NOL10: variants seen among roughly 807,000 people sequenced by gnomAD.
NOL10 encodes the protein nucleolar protein 10, also known as H_NH0074G24.1.
NOL10 carries 58 observed loss-of-function variants against 103.5 expected under a neutral mutation model. The observed-to-expected ratio is 0.56, with a 90% confidence interval of 0.45 to 0.70. NOL10 has a LOEUF of 0.70. NOL10 is among the 30% of genes least tolerant of loss of function. NOL10 has a pLI of 0.00. For missense variants in NOL10, 763 were observed against 807.3 expected, an observed-to-expected ratio of 0.95 and a Z score of 0.67; for synonymous variants, 287 against 282.5, an observed-to-expected ratio of 1.02 and a Z score of -0.16.
Position 10,589,229 on chromosome 2 carries a change from T to G in NOL10, c.1658A>C (p.Asp553Ala). 1 of 1,613,986 alleles carries G rather than the reference T, an allele frequency of 6.2e-7. No individual in the cohort carries two copies. The highest frequency in any genetic ancestry group is 8.5e-7 in the Non-Finnish European group (1 of 1,179,896). Residue 553 changes from aspartate to alanine, a missense_variant, in exon 19 of 21, where the codon GAT (aspartate) becomes GCT (alanine). Asp to Ala is a moderately radical substitution (Grantham distance 126). Coordinates refer to ENST00000381685, the MANE Select transcript of NOL10 (RefSeq NM_024894.4). ...GACCTCTTCAACCCAGGCTTTTTCA[T>G]CATCTGAACTCTCCGAACTTTCTGC... ...SDAESSESSD[D>A]EKAWVEEVRK...
At chr2:10,644,503 A>G (rs1046251565) in intron 12 of NOL10, 131 bp from the exon 13 acceptor site, 1 of 543,044 alleles carries the variant, frequency 1.8e-6, no homozygotes. Context: ...TTTCCCACAA[A>G]ATGTCACAGC....
intron 13 of NOL10, among the ~76,000 whole-genome samples, chr2:10,625,329 T>C (rs774860948): frequency 4.6e-4 from 70 of 152,076 alleles, no homozygotes; most frequent in Non-Finnish European, 7.9e-4. Flanking sequence ...GACCACTCTG[T>C]TGTAAAGTGC....
chr2:10,638,482 C>CTTTT (rs1378036555), intron 13 of NOL10, among the ~76,000 whole-genome samples: 3 of 93,678 alleles, frequency 3.2e-5, no homozygotes, highest in Non-Finnish European at 4.2e-5. Context: ...AGCTGAATTC[C>CTTTT]CTTTTTTTTT....
intron 19 of NOL10, among the ~76,000 whole-genome samples, chr2:10,582,096 G>A (rs1674794031): frequency 6.6e-6 from 1 of 152,146 alleles, no homozygotes; most frequent in African/African-American, 2.4e-5. Context: ...TGTAAGCCTG[G>A]AATTTAATTA....
intron 9 of NOL10, 46 bp downstream of exon 9, chr2:10,662,908 CTTAAA>C (rs1042202181): frequency 1.3e-5 from 17 of 1,335,456 alleles, no homozygotes; most frequent in African/African-American, 5.8e-5. Context: ...AGACACATTA[CTTAAA>C]TTAAAAGTTG....
intron 4 of NOL10, among the ~76,000 whole-genome samples, chr2:10,674,473 A>G (rs971237872): frequency 1.3e-5 from 2 of 152,170 alleles, no homozygotes; most frequent in African/African-American, 4.8e-5. Flanking sequence ...CTGTGAATTG[A>G]TAAGACATTG....
At chr2:10,618,180 G>A (rs1282597620) in intron 13 of NOL10, among the ~76,000 whole-genome samples, 1 of 151,760 alleles carries the variant, frequency 6.6e-6, no homozygotes, top group Non-Finnish European at 1.5e-5. Context: ...CCTGGCTTAG[G>A]ACTATACACT....
intron 19 of NOL10, among the ~76,000 whole-genome samples, chr2:10,580,324 A>G (rs1037082249): frequency 3.3e-5 from 5 of 152,128 alleles, no homozygotes; most frequent in Non-Finnish European, 7.4e-5. Flanking sequence ...GTGGCAGAGG[A>G]GGATGGCAGA....
intron 4 of NOL10, among the ~76,000 whole-genome samples, chr2:10,674,661 A>T (rs1313372055): frequency 6.6e-6 from 1 of 151,996 alleles, no homozygotes; most frequent in East Asian, 1.9e-4. Context: ...AACATGGTGA[A>T]ACCCATCTCT....
chr2:10,605,481 C>A (rs1210554470), intron 14 of NOL10, among the ~76,000 whole-genome samples: 6 of 152,134 alleles, frequency 3.9e-5, no homozygotes, highest in Non-Finnish European at 7.3e-5. Context: ...TAGTAATATA[C>A]ATAAAATGCT....
intron 13 of NOL10, chr2:10,634,668 G>A: frequency 2.2e-6 from 1 of 454,014 alleles, no homozygotes; most frequent in South Asian, 1.6e-5. Flanking sequence ...ATAAAGAAGA[G>A]ACAAGGACTA....
intron 14 of NOL10, among the ~76,000 whole-genome samples, chr2:10,604,208 T>TCATAG (rs1181833298): frequency 6.6e-6 from 1 of 152,178 alleles, no homozygotes; most frequent in African/African-American, 2.4e-5. Flanking sequence ...GCCCGGTTCC[T>TCATAG]CATAGGCCAC....
At position 10,631,750 on chromosome 2, in the gene NOL10, G is replaced by A. The variant is rs530625186; in HGVS notation, c.1026+12570C>T. Among the ~76,000 whole-genome samples the A allele has an allele frequency of 1.0e-4, 15 of 148,408 alleles. No homozygotes were observed. The East Asian group carries it at 2.0e-3, about 19-fold the overall frequency. On this transcript the variant is annotated intron_variant, in intron 13 of 20. Coordinates refer to ENST00000381685, the MANE Select transcript of NOL10 (RefSeq NM_024894.4). ...TTTTTTTTTAGATGGAGTTTCGCTC[G>A]TTTGCCCAGGCTGGAGTGCAATGGC...
chr2:10,627,244 T>C (rs1406025650), intron 13 of NOL10, among the ~76,000 whole-genome samples: 1 of 152,222 alleles, frequency 6.6e-6, no homozygotes, highest in Non-Finnish European at 1.5e-5. Flanking sequence ...TCCACACTTT[T>C]TCCCCATAAA....
At chr2:10,661,770 C>T (rs1421595816) in intron 9 of NOL10, among the ~76,000 whole-genome samples, 2 of 152,084 alleles carry the variant, frequency 1.3e-5, no homozygotes, top group Non-Finnish European at 2.9e-5. Context: ...CCCTATCCAA[C>T]ACTTACACTT....
At chr2:10,660,784 T>A (rs1680146926) in intron 9 of NOL10, among the ~76,000 whole-genome samples, 1 of 152,184 alleles carries the variant, frequency 6.6e-6, no homozygotes, top group Non-Finnish European at 1.5e-5. Context: ...GTTATTCTCC[T>A]GAGTTTCTCA....
intron 17 of NOL10, among the ~76,000 whole-genome samples, chr2:10,596,702 G>A (rs1300517114): frequency 1.3e-5 from 2 of 152,128 alleles, no homozygotes; most frequent in East Asian, 3.9e-4. Context: ...CCTAGGGGTT[G>A]GAGACCCCTG....
At chr2:10,598,002 G>C (rs373708036) in intron 17 of NOL10, among the ~76,000 whole-genome samples, 7 of 152,350 alleles carry the variant, frequency 4.6e-5, no homozygotes, top group Admixed American at 3.9e-4. Context: ...GAACGTAGAT[G>C]TGACTGGAGA....
chr2:10,653,806 G>A (rs56380818), intron 12 of NOL10, among the ~76,000 whole-genome samples: 53,808 of 151,666 alleles, frequency 0.35, 10,025 homozygotes, highest in East Asian at 0.64. Context: ...CTCCGCTCTC[G>A]GTGGTCACAG....
Sources: allele counts gnomAD v4.1 joint callset (sites outside exome capture counted in the v4.1 genomes callset), GRCh38; gene constraint gnomAD v4.1.1; transcripts MANE v1.5; gene names NCBI Gene and HGNC (gene_info 2026-07-23, HGNC 2026-07-21).